The following SFMBT1 variants were observed in gnomAD, a reference collection of about 807,000 sequenced individuals.
The protein encoded by SFMBT1 is scm-like with four MBT domains protein 1.
SFMBT1 carries 32 observed loss-of-function variants against 108.7 expected under a neutral mutation model. The observed-to-expected ratio is 0.29, with a 90% CI of 0.22 to 0.40. The LOEUF (loss-of-function observed/expected upper bound fraction) is 0.40, where lower values mean the gene tolerates loss of function less well. Ranked by LOEUF, SFMBT1 falls within the 10% of genes least tolerant of loss-of-function variation. The probability of loss-of-function intolerance (pLI) is 1.00; values close to 1 mark genes in which losing one functional copy is unlikely to be tolerated. For synonymous variants in SFMBT1, 348 were observed against 369.5 expected (o/e 0.94, Z 0.67); for missense variants, 816 against 1,059.6 (o/e 0.77, Z 3.19).
In SFMBT1 at chr3:52,921,814, T is replaced by C. The variant is rs751442498; in HGVS notation, c.1149A>G (p.Glu383=). The change falls in exon 11 of 21, where the codon GAA becomes GAG. Residue 383 remains glutamate, a synonymous_variant. Transcript: ENST00000394752. Reference sequence around the variant, plus strand: ...CCTCGAGCTTCATGTTCTCCTTAAATTCATGTTCAGAAATTAACTAGAAAA... The same window carrying C: ...CCTCGAGCTTCATGTTCTCCTTAAACTCATGTTCAGAAATTAACTAGAAAA... ...RCFPPLISEH[E]FKENMKLEAV... is the part of the protein sequence containing the mutation. 6.2e-7 allele frequency: 1 copy of C among 1,613,918 alleles called. No homozygotes were observed. Among genetic ancestry groups the C allele is most frequent in the Non-Finnish European group, 8.5e-7 (1 of 1,180,018 alleles).
chr3:52,929,295 A>C (rs1198284054), intron 8 of SFMBT1, among the ~76,000 whole-genome samples: 1 of 152,116 alleles, frequency 6.6e-6, no homozygotes, highest in Non-Finnish European at 1.5e-5. Flanking sequence ...GCTGGAGTGC[A>C]ATGGCACAAT....
At position 52,954,384 on chromosome 3, in the gene SFMBT1, T is replaced by C; in HGVS notation, c.56A>G (p.Glu19Gly). The C allele has an allele frequency of 2.5e-6, 4 of 1,613,872 alleles. No homozygotes were observed. Among genetic ancestry groups the C allele is most frequent in the Non-Finnish European group, 3.4e-6 (4 of 1,179,918 alleles). The part of the protein sequence containing the change: ...ADAGSGMEEV[E>G]LSWEDYLEET... ...TTCTAGATAATCTTCCCAGCTTAAT[T>C]CTACCTCTTCCATACCAGAGCCGGC... The change falls in exon 3 of 21, where the codon GAA becomes GGA. Residue 19 changes from glutamate to glycine, a missense_variant. This residue lies in a region of SFMBT1 where 495 missense variants were observed against 607.4 expected (regional missense o/e 0.81). Transcript: ENST00000394752.
chr3:52,921,597 G>A, intron 11 of SFMBT1, 108 bp downstream of exon 11: 1 of 1,213,524 alleles, frequency 8.2e-7, no homozygotes, highest in Middle Eastern at 2.1e-4. Context: ...CTCTGAACAA[G>A]ATCCCTATTT....
At chr3:52,973,229 G>C (rs1704409948) in intron 1 of SFMBT1, among the ~76,000 whole-genome samples, 1 of 151,640 alleles carries the variant, frequency 6.6e-6, no homozygotes, top group Non-Finnish European at 1.5e-5. Context: ...AAATTAATAA[G>C]TAAAAATAAA....
chr3:52,918,554 C>A, intron 12 of SFMBT1, 28 bp from the exon 13 acceptor site: 12 of 1,419,686 alleles, frequency 8.5e-6, no homozygotes, highest in South Asian at 5.4e-5. Context: ...TATATAAATG[C>A]CAAGAAAAAT....
intron 2 of SFMBT1, among the ~76,000 whole-genome samples, chr3:52,962,028 T>C (rs1010023828): frequency 2.0e-5 from 3 of 152,182 alleles, no homozygotes; most frequent in Non-Finnish European, 4.4e-5. Context: ...CTTAAATATA[T>C]GAAAATGTGC....
intron 1 of SFMBT1, among the ~76,000 whole-genome samples, chr3:53,007,738 T>A (rs1698796368): frequency 6.6e-6 from 1 of 152,194 alleles, no homozygotes; most frequent in African/African-American, 2.4e-5. Flanking sequence ...GTTAACATAA[T>A]TTGGAAGTAC....
intron 10 of SFMBT1, among the ~76,000 whole-genome samples, chr3:52,924,911 A>T (rs11713376): frequency 6.6e-6 from 1 of 152,112 alleles, no homozygotes; most frequent in Admixed American, 6.6e-5. Context: ...AAAAATTTTT[A>T]AAAAGAAACA....
At chr3:53,043,200 A>G (rs1700111160) in intron 1 of SFMBT1, 1 of 152,222 alleles carries the variant, frequency 6.6e-6, no homozygotes, top group African/African-American at 2.4e-5. Flanking sequence ...TGGTGAAGGA[A>G]ATGCAAATTG....
At chr3:52,985,032 T>C (rs1704857405) in intron 1 of SFMBT1, among the ~76,000 whole-genome samples, 1 of 152,170 alleles carries the variant, frequency 6.6e-6, no homozygotes, top group South Asian at 2.1e-4. Flanking sequence ...TATTATCTTA[T>C]AGGCTGGAAC....
At chr3:52,944,828 T>A (rs187370056) in intron 3 of SFMBT1, among the ~76,000 whole-genome samples, 1 of 152,114 alleles carries the variant, frequency 6.6e-6, no homozygotes, top group East Asian at 1.9e-4. Flanking sequence ...GCCTCTTTTT[T>A]ATTTTTTTAG....
intron 3 of SFMBT1, among the ~76,000 whole-genome samples, chr3:52,950,609 G>C (rs1192095652): frequency 6.6e-6 from 1 of 152,062 alleles, no homozygotes; most frequent in Admixed American, 6.5e-5. Flanking sequence ...CAAGCAGCTG[G>C]AATTACAGGC....
intron 1 of SFMBT1, among the ~76,000 whole-genome samples, chr3:53,009,774 T>C (rs1400021383): frequency 6.6e-6 from 1 of 152,240 alleles, no homozygotes; most frequent in Non-Finnish European, 1.5e-5. Context: ...TTTGTATATG[T>C]ATTATACACT....
intron 2 of SFMBT1, among the ~76,000 whole-genome samples, chr3:52,965,718 G>GACTA (rs1463380355): frequency 6.6e-6 from 1 of 151,682 alleles, no homozygotes; most frequent in East Asian, 1.9e-4. Context: ...TTAAAAAAAA[G>GACTA]ACTAACGGCC....
intron 3 of SFMBT1, among the ~76,000 whole-genome samples, chr3:52,949,491 G>C: frequency 6.8e-6 from 1 of 147,486 alleles, no homozygotes; most frequent in South Asian, 2.2e-4. Context: ...TTTACATTCT[G>C]TTGTTAGATG....
At chr3:53,021,777 A>G (rs1056084432) in intron 1 of SFMBT1, among the ~76,000 whole-genome samples, 1 of 152,210 alleles carries the variant, frequency 6.6e-6, no homozygotes, top group Non-Finnish European at 1.5e-5. Flanking sequence ...AAAAACAGCA[A>G]CCGCAGGGAG....
chr3:53,040,967 AATTTTTTTTTT>A (rs1559560307), intron 1 of SFMBT1, among the ~76,000 whole-genome samples: 14 of 72,882 alleles, frequency 1.9e-4, no homozygotes, highest in Non-Finnish European at 3.9e-4. Context: ...AAGACACCTG[AATTTTTTTTTT>A]TTTTTTTTTT....
chr3:52,936,151 G>A (rs963870369), intron 4 of SFMBT1, among the ~76,000 whole-genome samples: 5 of 152,190 alleles, frequency 3.3e-5, no homozygotes, highest in East Asian at 1.9e-4. Context: ...AGCTTTTAAC[G>A]GTTACTACAT....
In SFMBT1 at chr3:52,962,808, C is replaced by CAAAAAAAA. The variant is rs369325114; in HGVS notation, c.28+6285_28+6292dup. ...GGTGACAGAGCAAGGCTCCCTGTCT[C>CAAAAAAAA]AAAAAAAAAAAAAAAAGGAGAGGGA... On this transcript the variant is annotated intron_variant, in intron 2 of 20. Transcript: ENST00000394752. 2.8e-3 allele frequency among the ~76,000 whole-genome samples: 286 copies of CAAAAAAAA among 101,372 alleles called. 15 individuals are homozygous for CAAAAAAAA. Among genetic ancestry groups the CAAAAAAAA allele is most frequent in the African/African-American group, 0.011 (261 of 24,680 alleles). The allele number at this position is 101,372 out of a possible 152,430, so 66.5% of individuals were successfully genotyped here.
Sources: gnomAD v4.1 joint callset for allele counts (sites outside exome capture counted in the v4.1 genomes callset) on GRCh38, gnomAD v4.1.1 for gene constraint, gnomAD v4.1.1 regional missense constraint, MANE v1.5 for transcripts, NCBI Gene and HGNC (gene_info 2026-07-23, HGNC 2026-07-21) for gene names.